PARD3B: variants seen among roughly 807,000 people sequenced by gnomAD.
The protein encoded by PARD3B is partitioning defective 3 homolog B.
A neutral mutation model predicts 130.2 loss-of-function variants in PARD3B; 103 were observed. The ratio of observed to expected loss-of-function variants is 0.79; its 90% CI spans 0.67 to 0.93. PARD3B has a LOEUF of 0.93. PARD3B is among the 40% of genes least tolerant of loss of function. The pLI is 0.00. For synonymous variants in PARD3B, 583 were observed against 553.2 expected (o/e 1.05, Z -0.76); for missense variants, 1,609 against 1,499.2 (o/e 1.07, Z -1.21).
rs575580731 is a variant in PARD3B at position 205,011,796 on chromosome 2, T to G, written c.395-35785T>G. 1.5e-4 allele frequency among the ~76,000 whole-genome samples: 21 copies of G among 142,896 alleles called. No homozygotes were observed. In the South Asian group the frequency reaches 3.5e-3, roughly 24 times the overall value. 93.7% of individuals were successfully genotyped at this position (142,896 alleles called of 152,430 possible). On this transcript the variant is annotated intron_variant, in intron 3 of 22. Coordinates refer to ENST00000406610, the MANE Select transcript of PARD3B (RefSeq NM_001302769.2). This position sits in a 1 kb window ranked among gnomAD's most constrained non-coding sequence, Gnocchi z 4.1. ...TTTGACTCTTCCTTAGTTTTCTGGG[T>G]TTTTTTTTTTTACAACCATGCATCA... is the stretch of plus-strand genomic sequence containing the variant.
At chr2:205,034,113 C>T (rs1043163075) in intron 3 of PARD3B, among the ~76,000 whole-genome samples, 1 of 152,032 alleles carries the variant, frequency 6.6e-6, no homozygotes, top group African/African-American at 2.4e-5. Context: ...GACGAGATAC[C>T]CTTTTCATGA....
At chr2:205,414,968 A>G (rs1224889037) in intron 19 of PARD3B, among the ~76,000 whole-genome samples, 1 of 152,190 alleles carries the variant, frequency 6.6e-6, no homozygotes, top group Non-Finnish European at 1.5e-5. Context: ...GAGTCAAGAT[A>G]ATGTATGGTG....
intron 2 of PARD3B, among the ~76,000 whole-genome samples, chr2:204,795,287 T>A (rs2042331438): frequency 6.6e-6 from 1 of 152,238 alleles, no homozygotes; most frequent in African/African-American, 2.4e-5. Context: ...TGAGTCATTT[T>A]GATAGTGATT....
chr2:205,185,670 C>T (rs189882205), intron 13 of PARD3B, 94 bp from the exon 14 acceptor site: 17 of 1,005,762 alleles, frequency 1.7e-5, no homozygotes, highest in Non-Finnish European at 2.5e-5. Flanking sequence ...TATGTGTTGG[C>T]TAAAACTGCG....
rs951118960 is a variant in PARD3B at position 205,461,787 on chromosome 2, C to T, written c.3044+21115C>T. ...ACAATTTGCATTTCTAACAAGCTGC[C>T]GAATGATACTCATGCTGCTGGCCTG... On this transcript the variant is annotated intron_variant, in intron 20 of 22. Transcript: ENST00000406610. This position sits in a 1 kb window ranked among gnomAD's most constrained non-coding sequence, Gnocchi z 4.3. 3.4e-4 allele frequency among the ~76,000 whole-genome samples: 51 copies of T among 151,894 alleles called. No homozygotes were observed. The highest frequency in any genetic ancestry group is 1.0e-3 in the African/African-American group (42 of 41,348).
chr2:204,693,733 G>A (rs962916622), intron 2 of PARD3B, among the ~76,000 whole-genome samples: 14 of 151,986 alleles, frequency 9.2e-5, no homozygotes, highest in Admixed American at 1.3e-4. Flanking sequence ...CAGTGGTGGC[G>A]AAACTACTGT....
intron 5 of PARD3B, among the ~76,000 whole-genome samples, chr2:205,112,093 T>C (rs1455413592): frequency 2.6e-5 from 4 of 152,104 alleles, no homozygotes; most frequent in Non-Finnish European, 5.9e-5. Context: ...TACTATATTA[T>C]CACTCTAAGA....
At chr2:204,949,001 A>T (rs1333525972) in intron 2 of PARD3B, among the ~76,000 whole-genome samples, 1 of 152,190 alleles carries the variant, frequency 6.6e-6, no homozygotes, top group Non-Finnish European at 1.5e-5. Flanking sequence ...TGCTGTGTAG[A>T]ATTTCCAGTC....
chr2:204,745,092 A>G lies in PARD3B; in HGVS notation c.222+58810A>G, dbSNP rs1199111885. ...AGGAATGCTTTAAAGTTGAGGTCTC[A>G]ATGTTCTAGGCTCACACTTAGTGAT... On this transcript the variant is annotated intron_variant, in intron 2 of 22. Transcript: ENST00000406610. Among the ~76,000 whole-genome samples, 5 of 152,308 alleles carry G rather than the reference A, an allele frequency of 3.3e-5. No homozygotes were observed. In the East Asian group the frequency reaches 9.7e-4, roughly 29 times the overall value.
At chr2:204,747,515 T>C (rs1333594941) in intron 2 of PARD3B, among the ~76,000 whole-genome samples, 1 of 152,136 alleles carries the variant, frequency 6.6e-6, no homozygotes, top group Admixed American at 6.6e-5. Flanking sequence ...CCCAAGGTAA[T>C]TTATAGATTC....
At chr2:204,833,869 G>A (rs975206864) in intron 2 of PARD3B, among the ~76,000 whole-genome samples, 4 of 151,994 alleles carry the variant, frequency 2.6e-5, no homozygotes, top group Admixed American at 6.6e-5. Context: ...GTCCAGGGCC[G>A]TTAACGTGAC....
At chr2:205,169,430 A>G (rs1456373000) in intron 11 of PARD3B, among the ~76,000 whole-genome samples, 1 of 152,228 alleles carries the variant, frequency 6.6e-6, no homozygotes, top group Non-Finnish European at 1.5e-5. Flanking sequence ...ATAAAAAATA[A>G]AAAGTTTGTG....
intron 1 of PARD3B, among the ~76,000 whole-genome samples, chr2:204,594,768 C>A (rs2033216221): frequency 6.6e-6 from 1 of 152,068 alleles, no homozygotes; most frequent in African/African-American, 2.4e-5. Flanking sequence ...AATGCATATC[C>A]ACTGGAGAAA....
intron 5 of PARD3B, among the ~76,000 whole-genome samples, chr2:205,109,004 G>A (rs931887995): frequency 4.0e-5 from 6 of 150,940 alleles, no homozygotes; most frequent in South Asian, 2.1e-4. Flanking sequence ...GTAACCCATC[G>A]CTTTCTGTTC....
intron 22 of PARD3B, 63 bp from the exon 23 acceptor site, chr2:205,615,393 A>T: frequency 7.1e-7 from 1 of 1,407,738 alleles, no homozygotes; most frequent in Non-Finnish European, 9.7e-7. Flanking sequence ...GCTGAGGAAC[A>T]TGTTCTCCAG....
At chr2:205,507,049 A>G (rs558896579) in intron 21 of PARD3B, among the ~76,000 whole-genome samples, 2 of 152,098 alleles carry the variant, frequency 1.3e-5, no homozygotes, top group East Asian at 3.9e-4. Context: ...GCTCTAACAC[A>G]ACAACTCTGA....
chr2:204,780,949 G>T lies in PARD3B; in HGVS notation c.222+94667G>T, dbSNP rs182223500. Among the ~76,000 whole-genome samples, 19 of 152,078 alleles carry T rather than the reference G, an allele frequency of 1.2e-4. 1 individual carries two copies. Among genetic ancestry groups the T allele is most frequent in the Admixed American group, 7.9e-4 (12 of 15,264 alleles). On this transcript the variant is annotated intron_variant, in intron 2 of 22. Coordinates refer to ENST00000406610, the MANE Select transcript of PARD3B (RefSeq NM_001302769.2). ...GGCAAGGATTGCTGTCTGAATGGGG[G>T]TGACCATCAATATGGAAAATGGAAA...
intron 6 of PARD3B, 46 bp from the exon 7 acceptor site, chr2:205,118,874 GC>G: frequency 8.0e-7 from 1 of 1,252,188 alleles, no homozygotes; most frequent in Non-Finnish European, 1.1e-6. Flanking sequence ...GAAATAATTA[GC>G]ATTTATTATT....
chr2:205,058,952 TC>T (rs1312921791), intron 4 of PARD3B, among the ~76,000 whole-genome samples: 204 of 118,120 alleles, frequency 1.7e-3, no homozygotes, highest in African/African-American at 6.1e-3. Context: ...GTTCAATTTT[TC>T]TTTTTTTTTT....
Sources: gnomAD v4.1 joint callset for allele counts (sites outside exome capture counted in the v4.1 genomes callset) on GRCh38, gnomAD v4.1.1 for gene constraint, Gnocchi (gnomAD v3.1) non-coding constraint, MANE v1.5 for transcripts, NCBI Gene and HGNC (gene_info 2026-07-23, HGNC 2026-07-21) for gene names.